Variants in GRIA4 observed in about 807,000 individuals in gnomAD.
GRIA4 encodes glutamate receptor 4.
Under a neutral mutation model 104.0 loss-of-function variants are expected in GRIA4, and 34 were observed. The observed-to-expected ratio is 0.33, with a 90% CI of 0.25 to 0.44. The LOEUF is 0.44. Ranked by LOEUF, GRIA4 falls within the 20% of genes least tolerant of loss-of-function variation. The probability of loss-of-function intolerance (pLI) is 1.00; values close to 1 mark genes in which losing one functional copy is unlikely to be tolerated. For missense variants in GRIA4, 750 were observed against 1,096.5 expected (o/e 0.68, Z 4.46); for synonymous variants, 386 against 381.9 (o/e 1.01, Z -0.13).
intron 3 of GRIA4, among the ~76,000 whole-genome samples, chr11:105,654,075 G>A (rs1951770923): frequency 6.9e-6 from 1 of 144,296 alleles, no homozygotes; most frequent in African/African-American, 2.6e-5. Flanking sequence ...GTGACAACAT[G>A]GATGAACCTG....
intron 4 of GRIA4, among the ~76,000 whole-genome samples, chr11:105,848,650 T>G (rs754287535): frequency 6.6e-6 from 1 of 152,300 alleles, no homozygotes; most frequent in East Asian, 1.9e-4. Flanking sequence ...AAACTAATGG[T>G]GCACTCTAAC....
chr11:105,722,984 T>A (rs1477292998), intron 3 of GRIA4, among the ~76,000 whole-genome samples: 1 of 152,130 alleles, frequency 6.6e-6, no homozygotes, highest in African/African-American at 2.4e-5. Flanking sequence ...TAACTAAATA[T>A]TTGAACTTTT....
At chr11:105,637,818 T>A (rs1951247776) in intron 3 of GRIA4, among the ~76,000 whole-genome samples, 1 of 152,144 alleles carries the variant, frequency 6.6e-6, no homozygotes. Context: ...GAAAATGCAA[T>A]TTGAACATAA....
intron 5 of GRIA4, among the ~76,000 whole-genome samples, chr11:105,875,208 G>T (rs553095469): frequency 2.0e-5 from 3 of 152,158 alleles, no homozygotes; most frequent in African/African-American, 7.2e-5. Context: ...TTATGTGATA[G>T]ATTATGTTTA....
intron 5 of GRIA4, among the ~76,000 whole-genome samples, chr11:105,865,637 G>A (rs1224140759): frequency 6.6e-6 from 1 of 152,148 alleles, no homozygotes; most frequent in Non-Finnish European, 1.5e-5. Flanking sequence ...GAGATTTATA[G>A]TGGGAGTCTT....
chr11:105,694,090 G>T (rs1953184679), intron 3 of GRIA4, among the ~76,000 whole-genome samples: 3 of 151,940 alleles, frequency 2.0e-5, no homozygotes, highest in African/African-American at 7.3e-5. Context: ...AGGTAAACTA[G>T]CCCTGTCCAA....
At chr11:105,665,593 G>A (rs1210310327) in intron 3 of GRIA4, among the ~76,000 whole-genome samples, 1 of 151,910 alleles carries the variant, frequency 6.6e-6, no homozygotes, top group African/African-American at 2.4e-5. Flanking sequence ...AGGAAGCACA[G>A]GTGTAAAGTG....
At chr11:105,617,036 ACTC>A (rs1950618539) in intron 3 of GRIA4, among the ~76,000 whole-genome samples, 1 of 150,070 alleles carries the variant, frequency 6.7e-6, no homozygotes. Flanking sequence ...TGTCAAAAAA[ACTC>A]CTAATTTTTT....
chr11:105,660,870 A>AATATT (rs1951987107), intron 3 of GRIA4, among the ~76,000 whole-genome samples: 1 of 151,700 alleles, frequency 6.6e-6, no homozygotes, highest in South Asian at 2.1e-4. Flanking sequence ...TCATTATCAT[A>AATATT]ATAACGTAAA....
chr11:105,881,632 A>G (rs1946063908), intron 5 of GRIA4, among the ~76,000 whole-genome samples: 1 of 152,084 alleles, frequency 6.6e-6, no homozygotes, highest in Admixed American at 6.6e-5. Flanking sequence ...CGTCCTCCAA[A>G]AAAGAGTTCT....
intron 3 of GRIA4, among the ~76,000 whole-genome samples, chr11:105,712,055 G>A (rs971994928): frequency 6.6e-6 from 1 of 151,866 alleles, no homozygotes; most frequent in Non-Finnish European, 1.5e-5. Context: ...TTTAAATTTT[G>A]TATGTTTAAA....
At chr11:105,672,788 A>G (rs1952415656) in intron 3 of GRIA4, among the ~76,000 whole-genome samples, 1 of 152,124 alleles carries the variant, frequency 6.6e-6, no homozygotes, top group Non-Finnish European at 1.5e-5. Context: ...TGTGTGTGTT[A>G]ACCTGAGGAT....
chr11:105,842,121 G>A (rs947454276), intron 4 of GRIA4, among the ~76,000 whole-genome samples: 1 of 152,160 alleles, frequency 6.6e-6, no homozygotes, highest in South Asian at 2.1e-4. Flanking sequence ...CAAGATAGAG[G>A]AAAGAGCATG....
At chr11:105,838,813 A>G (rs560804029) in intron 4 of GRIA4, among the ~76,000 whole-genome samples, 2 of 152,260 alleles carry the variant, frequency 1.3e-5, no homozygotes, top group African/African-American at 4.8e-5. Context: ...TCGCAAGTCA[A>G]CTCAGGGAAC....
chr11:105,617,470 C>T (rs1051183068), intron 3 of GRIA4, among the ~76,000 whole-genome samples: 6 of 151,730 alleles, frequency 4.0e-5, no homozygotes, highest in Middle Eastern at 6.8e-3. Flanking sequence ...GTGCTTTTAC[C>T]GGAAGGCCAT....
intron 4 of GRIA4, among the ~76,000 whole-genome samples, chr11:105,853,449 C>T (rs1402923996): frequency 6.6e-6 from 1 of 152,130 alleles, no homozygotes; most frequent in Non-Finnish European, 1.5e-5. Context: ...CAACTCATGA[C>T]CTCTCTCTGC....
At chr11:105,827,001 G>A (rs950069302) in intron 4 of GRIA4, among the ~76,000 whole-genome samples, 1 of 151,982 alleles carries the variant, frequency 6.6e-6, no homozygotes, top group Non-Finnish European at 1.5e-5. Context: ...GATACCTATG[G>A]ATTTTTTTCC....
At chr11:105,715,116 G>T (rs1302387711) in intron 3 of GRIA4, among the ~76,000 whole-genome samples, 1 of 152,170 alleles carries the variant, frequency 6.6e-6, no homozygotes, top group African/African-American at 2.4e-5. Flanking sequence ...TTTCAAATCA[G>T]TGTAAATCAG....
At chr11:105,797,268 T>C (rs1942518043) in intron 4 of GRIA4, among the ~76,000 whole-genome samples, 1 of 152,030 alleles carries the variant, frequency 6.6e-6, no homozygotes, top group Non-Finnish European at 1.5e-5. Flanking sequence ...TAGTATAGCA[T>C]TTGTGTTTAG....
Sources: gnomAD v4.1 joint callset for allele counts (sites outside exome capture counted in the v4.1 genomes callset) on GRCh38, gnomAD v4.1.1 for gene constraint, MANE v1.5 for transcripts, NCBI Gene and HGNC (gene_info 2026-07-23, HGNC 2026-07-21) for gene names.